STK39: variants seen among roughly 807,000 people sequenced by gnomAD.
The protein encoded by STK39 is serine/threonine kinase 39.
In STK39, 20 loss-of-function variants were observed where a neutral mutation model predicts 77.8. The ratio of observed to expected loss-of-function variants is 0.26; its 90% CI spans 0.18 to 0.37. STK39 has a LOEUF of 0.37. Among genes scored for constraint, STK39 ranks in the 10% least tolerant of loss-of-function variants. The probability of loss-of-function intolerance (pLI) is 1.00; values close to 1 mark genes in which losing one functional copy is unlikely to be tolerated. For synonymous variants in STK39, 246 were observed against 234.1 expected, an observed-to-expected ratio of 1.05 and a Z score of -0.47; for missense variants, 479 against 656.5, an observed-to-expected ratio of 0.73 and a Z score of 2.95.
intron 10 of STK39, among the ~76,000 whole-genome samples, chr2:168,118,252 C>A (rs1010582598): frequency 7.9e-5 from 12 of 152,034 alleles, no homozygotes; most frequent in Admixed American, 6.6e-4. Context: ...GAAAAGTTAG[C>A]AAATTTCCCA....
chr2:168,245,594 T>G (rs546326138), intron 1 of STK39, among the ~76,000 whole-genome samples: 131 of 152,274 alleles, frequency 8.6e-4, no homozygotes, highest in Non-Finnish European at 1.5e-3. Context: ...AGATGGGCAC[T>G]CACAGGAGGG....
intron 15 of STK39, among the ~76,000 whole-genome samples, chr2:168,014,207 C>T (rs996535789): frequency 6.6e-6 from 1 of 152,136 alleles, no homozygotes; most frequent in Non-Finnish European, 1.5e-5. Flanking sequence ...CACCTTGGCC[C>T]AGTGCAATGG....
In STK39 at chr2:168,170,880, G is replaced by A. The variant is rs549390538; in HGVS notation, c.322-3473C>T. On this transcript the variant is annotated intron_variant, in intron 2 of 17. Coordinates refer to ENST00000355999, the MANE Select transcript of STK39 (RefSeq NM_013233.3). ...GTGTGAATTTCACAAGGACAGAAAAGGGTAAAAACTTCATTGAGATTTAAA... is the reference window on the plus strand; with the variant it reads ...GTGTGAATTTCACAAGGACAGAAAAAGGTAAAAACTTCATTGAGATTTAAA... 2.0e-5 allele frequency among the ~76,000 whole-genome samples: 3 copies of A among 152,218 alleles called. No individual in the cohort carries two copies. In the East Asian group the frequency reaches 5.8e-4, roughly 29 times the overall value.
At chr2:168,011,425 C>T (rs1176215385) in intron 16 of STK39, among the ~76,000 whole-genome samples, 4 of 151,982 alleles carry the variant, frequency 2.6e-5, no homozygotes, top group African/African-American at 7.3e-5. Flanking sequence ...CTAAGTAATA[C>T]ATTATTAGAG....
chr2:168,183,898 G>A (rs893024119), intron 1 of STK39, among the ~76,000 whole-genome samples: 6 of 152,110 alleles, frequency 3.9e-5, no homozygotes, highest in East Asian at 3.8e-4. Flanking sequence ...TCCAGTCTCC[G>A]GAACAAGACA....
intron 2 of STK39, among the ~76,000 whole-genome samples, chr2:168,169,420 G>C (rs1574522595): frequency 6.6e-6 from 1 of 152,296 alleles, no homozygotes; most frequent in East Asian, 1.9e-4. Flanking sequence ...CACTCTAAAT[G>C]TAAGTGAATG....
intron 16 of STK39, among the ~76,000 whole-genome samples, chr2:168,005,314 G>A (rs143697529): frequency 6.6e-6 from 1 of 151,846 alleles, no homozygotes; most frequent in African/African-American, 2.4e-5. Context: ...CCAGAAGGCT[G>A]TTGAGACAAA....
chr2:168,193,354 G>A (rs141095759), intron 1 of STK39, among the ~76,000 whole-genome samples: 1,864 of 152,292 alleles, frequency 0.012, 34 homozygotes, highest in African/African-American at 0.042. Flanking sequence ...GCCATAGTCT[G>A]AAATGATGGC....
At chr2:167,988,124 A>G (rs1459598219) in intron 16 of STK39, among the ~76,000 whole-genome samples, 1 of 152,106 alleles carries the variant, frequency 6.6e-6, no homozygotes, top group Non-Finnish European at 1.5e-5. Context: ...TGCCTCTCAG[A>G]TAGCATTTAC....
intron 1 of STK39, among the ~76,000 whole-genome samples, chr2:168,241,865 C>T (rs1379224053): frequency 1.3e-5 from 2 of 152,198 alleles, no homozygotes; most frequent in East Asian, 3.9e-4. Context: ...CCCTATGTTA[C>T]CAATGAGGAA....
At chr2:168,099,584 T>G (rs1435898954) in intron 10 of STK39, among the ~76,000 whole-genome samples, 1 of 152,234 alleles carries the variant, frequency 6.6e-6, no homozygotes, top group Non-Finnish European at 1.5e-5. Context: ...GACCAAACTT[T>G]TGACAATGTA....
intron 2 of STK39, among the ~76,000 whole-genome samples, chr2:168,178,327 A>T (rs768852993): frequency 6.6e-6 from 1 of 152,262 alleles, no homozygotes; most frequent in Non-Finnish European, 1.5e-5. Flanking sequence ...TTCAGAGATC[A>T]GAGTACAGTT....
chr2:168,200,651 C>T (rs1017164586), intron 1 of STK39, among the ~76,000 whole-genome samples: 23 of 151,100 alleles, frequency 1.5e-4, no homozygotes, highest in Non-Finnish European at 2.7e-4. Flanking sequence ...TACTCCAGCC[C>T]GGAAAACAGA....
Position 168,247,342 on chromosome 2 carries a change from T to TCGCGGCCGCCGGGGC in STK39, c.79_93dup (p.Ala27_Ala31dup). 1 of 1,042,468 alleles carries TCGCGGCCGCCGGGGC rather than the reference T, an allele frequency of 9.6e-7. No individual in the cohort carries two copies. The highest frequency in any genetic ancestry group is 1.2e-6 in the Non-Finnish European group (1 of 864,734). The allele number at this position is 1,042,468 out of a possible 1,614,324, so 64.6% of individuals were successfully genotyped here. A position where few individuals can be genotyped will look rare whatever the true frequency, so the allele number is the denominator to read the frequency against. ...GGAGCTGCCGGGGCCGGCGCTGCTG[T>TCGCGGCCGCCGGGGC]CGCGGCCGCCGGGGCCGCCGCCGCC... On this transcript the variant is annotated inframe_insertion, in exon 1 of 18. Coordinates refer to ENST00000355999, the MANE Select transcript of STK39 (RefSeq NM_013233.3).
intron 5 of STK39, among the ~76,000 whole-genome samples, chr2:168,147,906 A>T (rs1688184250): frequency 6.6e-6 from 1 of 152,190 alleles, no homozygotes; most frequent in Non-Finnish European, 1.5e-5. Flanking sequence ...GCAGTTACAG[A>T]ATCAGAGGCA....
chr2:168,083,175 T>A (rs985525344), intron 10 of STK39, among the ~76,000 whole-genome samples: 1 of 152,176 alleles, frequency 6.6e-6, no homozygotes, highest in Non-Finnish European at 1.5e-5. Context: ...GACTCTACCA[T>A]TTCCCATATG....
rs150022381 is a variant in STK39, at chr2:168,222,500, T to C, written c.208+24728A>G. Among the ~76,000 whole-genome samples, 265 of 152,340 alleles carry C rather than the reference T, an allele frequency of 1.7e-3. 4 individuals are homozygous for C. The highest frequency in any genetic ancestry group is 6.0e-3 in the African/African-American group (251 of 41,562). Reference sequence around the variant, plus strand: ...TACCAATGTAGTAGCATTAATTATTTTGAAGACACATAAAAAGTGGTTTGG... The same window carrying C: ...TACCAATGTAGTAGCATTAATTATTCTGAAGACACATAAAAAGTGGTTTGG... On this transcript the variant is annotated intron_variant, in intron 1 of 17. Transcript: ENST00000355999.
At chr2:168,100,110 T>C (rs1686781432) in intron 10 of STK39, among the ~76,000 whole-genome samples, 1 of 152,242 alleles carries the variant, frequency 6.6e-6, no homozygotes, top group Non-Finnish European at 1.5e-5. Flanking sequence ...GAATCAATTT[T>C]TCATACAGTT....
intron 10 of STK39, among the ~76,000 whole-genome samples, chr2:168,114,780 T>A (rs904053500): frequency 5.1e-5 from 7 of 138,328 alleles, no homozygotes; most frequent in Non-Finnish European, 8.2e-5. Flanking sequence ...TCGGACCTCA[T>A]AACAAGCATC....
Sources: allele counts gnomAD v4.1 joint callset (sites outside exome capture counted in the v4.1 genomes callset), GRCh38; gene constraint gnomAD v4.1.1; transcripts MANE v1.5; gene names NCBI Gene and HGNC (gene_info 2026-07-23, HGNC 2026-07-21).